HMG20A: variants seen among roughly 807,000 people sequenced by gnomAD.
HMG20A encodes high mobility group 20A.
Under a neutral mutation model 43.9 loss-of-function variants are expected in HMG20A, and 17 were observed. That is an observed-to-expected ratio of 0.39 (90% CI 0.27 to 0.58). The LOEUF (loss-of-function observed/expected upper bound fraction) is 0.58. Ranked by LOEUF, HMG20A falls within the 20% of genes least tolerant of loss-of-function variation. The pLI is 0.59. For synonymous variants in HMG20A, 132 were observed against 147.5 expected (o/e 0.89, Z 0.76); for missense variants, 341 against 438.2 (o/e 0.78, Z 1.98).
chr15:77,490,766 G>A, the HMG20A span, among the ~76,000 whole-genome samples: 1 of 152,204 alleles, frequency 6.6e-6, no homozygotes, highest in Admixed American at 6.5e-5. Flanking sequence ...CATCACGGAA[G>A]AAAAATCAAG....
chr15:77,516,943 C>G, the HMG20A span, among the ~76,000 whole-genome samples: 1 of 152,154 alleles, frequency 6.6e-6, no homozygotes, highest in Non-Finnish European at 1.5e-5. Context: ...TGTGATAGGC[C>G]GATAACCTGT....
At chr15:77,502,614 T>C in the HMG20A span, among the ~76,000 whole-genome samples, 2 of 152,160 alleles carry the variant, frequency 1.3e-5, no homozygotes, top group Admixed American at 1.3e-4. Flanking sequence ...AGATGGTATC[T>C]GTTCATCTTG....
chr15:77,479,379 T>C (rs1032948938), intron 9 of HMG20A, 58 bp downstream of exon 9: 11 of 1,515,030 alleles, frequency 7.3e-6, no homozygotes, highest in Middle Eastern at 1.7e-4. Context: ...TAAGATGTCA[T>C]CAGACTTTAT....
At chr15:77,478,220 C>A in intron 7 of HMG20A, 75 bp from the exon 8 acceptor site, 2 of 1,461,290 alleles carry the variant, frequency 1.4e-6, no homozygotes, top group Non-Finnish European at 1.9e-6. Context: ...AGCAGAACTT[C>A]CCTGTAAGAG....
chr15:77,478,933 C>T (rs927890390), intron 8 of HMG20A, among the ~76,000 whole-genome samples: 2 of 152,212 alleles, frequency 1.3e-5, no homozygotes, highest in Non-Finnish European at 2.9e-5. Context: ...TAGCAGAAAG[C>T]TGAGCGAGTC....
At chr15:77,500,024 T>A in the HMG20A span, among the ~76,000 whole-genome samples, 1 of 151,948 alleles carries the variant, frequency 6.6e-6, no homozygotes, top group African/African-American at 2.4e-5. Context: ...AGAGACAGGG[T>A]TTCACCATGT....
intron 4 of HMG20A, among the ~76,000 whole-genome samples, chr15:77,469,609 T>C (rs1186928016): frequency 6.6e-6 from 1 of 152,152 alleles, no homozygotes; most frequent in Non-Finnish European, 1.5e-5. Context: ...CATCCTGTGA[T>C]TACAGATATG....
chr15:77,502,754 G>A, the HMG20A span, among the ~76,000 whole-genome samples: 1 of 152,092 alleles, frequency 6.6e-6, no homozygotes, highest in Non-Finnish European at 1.5e-5. Flanking sequence ...GATCACTTGA[G>A]GCCAGGAGTT....
chr15:77,456,977 A>G (rs911718825), intron 1 of HMG20A, among the ~76,000 whole-genome samples: 17 of 152,214 alleles, frequency 1.1e-4, no homozygotes, highest in African/African-American at 3.9e-4. Flanking sequence ...TTCCTGCAGT[A>G]GAATAAAGTG....
chr15:77,428,471 C>T (rs946624447), intron 1 of HMG20A, among the ~76,000 whole-genome samples: 2 of 152,112 alleles, frequency 1.3e-5, no homozygotes, highest in South Asian at 2.1e-4. Flanking sequence ...CAAAGCATAG[C>T]GTGTAAGACA....
chr15:77,480,490 A>G (rs547847608), intron 9 of HMG20A, among the ~76,000 whole-genome samples: 9 of 151,656 alleles, frequency 5.9e-5, no homozygotes, highest in Non-Finnish European at 7.4e-5. Flanking sequence ...GCGCACACCT[A>G]TAGTCCTAGC....
At chr15:77,473,765 A>G (rs2072830724) in intron 6 of HMG20A, among the ~76,000 whole-genome samples, 1 of 152,044 alleles carries the variant, frequency 6.6e-6, no homozygotes, top group Admixed American at 6.6e-5. Flanking sequence ...TCCCTGTTAC[A>G]GGATTAGACA....
intron 2 of HMG20A, among the ~76,000 whole-genome samples, chr15:77,460,683 T>G (rs962271224): frequency 6.6e-6 from 1 of 151,918 alleles, no homozygotes; most frequent in Non-Finnish European, 1.5e-5. Flanking sequence ...GGATACTCCA[T>G]CATTTAAAAG....
chr15:77,433,119 A>G (rs1262498712), intron 1 of HMG20A, among the ~76,000 whole-genome samples: 1 of 152,196 alleles, frequency 6.6e-6, no homozygotes, highest in Non-Finnish European at 1.5e-5. Flanking sequence ...CTGTAACATC[A>G]GCACTTCAGG....
chr15:77,439,085 G>A lies in HMG20A; in HGVS notation c.-5+18081G>A, dbSNP rs540142767. On this transcript the variant is annotated intron_variant, in intron 1 of 9. Coordinates refer to ENST00000336216, the MANE Select transcript of HMG20A (RefSeq NM_001304504.2). ...TGGGATTACAGGCGTGAGTCACCACGCCCGTCCGTAGGTTTGGAGTTCATT... is the reference window on the plus strand; with the variant it reads ...TGGGATTACAGGCGTGAGTCACCACACCCGTCCGTAGGTTTGGAGTTCATT... 2.7e-4 allele frequency among the ~76,000 whole-genome samples: 41 copies of A among 152,282 alleles called. No homozygotes were observed. In the South Asian group the frequency reaches 8.5e-3, roughly 32 times the overall value.
chr15:77,454,177 AAAAC>A (rs1378958399), intron 1 of HMG20A, among the ~76,000 whole-genome samples: 12 of 151,542 alleles, frequency 7.9e-5, no homozygotes, highest in African/African-American at 1.9e-4. Flanking sequence ...AAAAAAAAAA[AAAAC>A]AAAGTAGATT....
chr15:77,429,953 A>G (rs1004300982), intron 1 of HMG20A, among the ~76,000 whole-genome samples: 1 of 152,214 alleles, frequency 6.6e-6, no homozygotes, highest in African/African-American at 2.4e-5. Flanking sequence ...TACTTGTGTC[A>G]GGAACAATAC....
chr15:77,514,212 A>G, the HMG20A span, among the ~76,000 whole-genome samples: 3 of 152,244 alleles, frequency 2.0e-5, no homozygotes, highest in Non-Finnish European at 4.4e-5. Flanking sequence ...ACAATGGAAG[A>G]TTCCACAGCA....
intron 1 of HMG20A, among the ~76,000 whole-genome samples, chr15:77,438,503 C>T (rs974732508): frequency 1.3e-5 from 2 of 152,168 alleles, no homozygotes; most frequent in African/African-American, 2.4e-5. Flanking sequence ...AATGTATTCA[C>T]GTGTTTTATA....
Sources: gnomAD v4.1 joint callset for allele counts (sites outside exome capture counted in the v4.1 genomes callset) on GRCh38, gnomAD v4.1.1 for gene constraint, MANE v1.5 for transcripts, NCBI Gene and HGNC (gene_info 2026-07-23, HGNC 2026-07-21) for gene names.